The following AGMO variants were observed in gnomAD, a reference collection of about 807,000 sequenced individuals.
AGMO encodes alkylglycerol monooxygenase.
AGMO carries 75 observed loss-of-function variants against 60.2 expected under a neutral mutation model. That is an observed-to-expected ratio of 1.25 (90% CI 1.03 to 1.51). The LOEUF is 1.51. AGMO is among the 40% of genes most tolerant of loss of function. AGMO has a pLI of 0.00. For missense variants in AGMO, 763 were observed against 525.5 expected (o/e 1.45, Z -4.42); for synonymous variants, 261 against 177.1 (o/e 1.47, Z -3.76).
the AGMO span, among the ~76,000 whole-genome samples, chr7:15,188,059 C>A: frequency 1.1e-4 from 16 of 152,238 alleles, no homozygotes; most frequent in Middle Eastern, 3.4e-3. Context: ...AAATGAGACC[C>A]GCTGCCATGA....
intron 12 of AGMO, among the ~76,000 whole-genome samples, chr7:15,267,033 G>A (rs982424788): frequency 6.6e-6 from 1 of 151,874 alleles, no homozygotes; most frequent in African/African-American, 2.4e-5. Flanking sequence ...TAAAGAAAAT[G>A]AAAAACTACT....
chr7:15,427,187 G>A (rs1472708939), intron 4 of AGMO, among the ~76,000 whole-genome samples: 1 of 152,096 alleles, frequency 6.6e-6, no homozygotes, highest in African/African-American at 2.4e-5. Context: ...ACTGTTGATG[G>A]CTCATTCTAA....
At chr7:15,355,469 C>G (rs1408731585) in intron 12 of AGMO, among the ~76,000 whole-genome samples, 1 of 137,232 alleles carries the variant, frequency 7.3e-6, no homozygotes, top group Non-Finnish European at 1.5e-5. Flanking sequence ...TGCCACTGCA[C>G]ACTCCAGCCT....
the AGMO span, among the ~76,000 whole-genome samples, chr7:15,142,046 T>C: frequency 1.3e-5 from 2 of 152,202 alleles, no homozygotes; most frequent in Non-Finnish European, 2.9e-5. Context: ...CCATGAGGTA[T>C]TCATCGAGCT....
chr7:15,262,750 CA>C (rs1783311339), intron 12 of AGMO, among the ~76,000 whole-genome samples: 1 of 151,960 alleles, frequency 6.6e-6, no homozygotes, highest in Admixed American at 6.6e-5. Context: ...ATCAATGGAA[CA>C]AAACAGAGAA....
At chr7:15,432,026 C>T (rs1781256162) in intron 3 of AGMO, among the ~76,000 whole-genome samples, 1 of 151,628 alleles carries the variant, frequency 6.6e-6, no homozygotes, top group Non-Finnish European at 1.5e-5. Flanking sequence ...TCACATTATA[C>T]TCTATTCAGT....
At chr7:15,376,109 G>C (rs969727793) in intron 10 of AGMO, among the ~76,000 whole-genome samples, 1 of 151,978 alleles carries the variant, frequency 6.6e-6, no homozygotes, top group African/African-American at 2.4e-5. Context: ...TTTGTTAATA[G>C]TCTTCCGTTA....
At chr7:15,300,147 T>G (rs1314838095) in intron 12 of AGMO, among the ~76,000 whole-genome samples, 1 of 152,050 alleles carries the variant, frequency 6.6e-6, no homozygotes, top group Non-Finnish European at 1.5e-5. Context: ...AGTTGATACT[T>G]GGAAAGATAG....
At chr7:15,342,182 A>AAAAAAAAAAAAAAAG in intron 12 of AGMO, among the ~76,000 whole-genome samples, 1 of 148,516 alleles carries the variant, frequency 6.7e-6, no homozygotes, top group Non-Finnish European at 1.5e-5. Flanking sequence ...TAAAAAAAAA[A>AAAAAAAAAAAAAAAG]AAAAAAAAAA....
chr7:15,336,406 G>A (rs1781661538), intron 12 of AGMO, among the ~76,000 whole-genome samples: 1 of 149,754 alleles, frequency 6.7e-6, no homozygotes, highest in Non-Finnish European at 1.5e-5. Context: ...AAAATCGGTT[G>A]ACTCAATATG....
chr7:15,553,683 G>A (rs1251211667), intron 2 of AGMO, among the ~76,000 whole-genome samples: 2 of 151,816 alleles, frequency 1.3e-5, no homozygotes, highest in African/African-American at 4.8e-5. Flanking sequence ...CAGACTGAAG[G>A]TCCTAGAAAA....
chr7:15,466,623 T>C (rs923361417), intron 3 of AGMO, among the ~76,000 whole-genome samples: 1 of 152,196 alleles, frequency 6.6e-6, no homozygotes, highest in African/African-American at 2.4e-5. Flanking sequence ...TTTGAATATC[T>C]GCTCATCTGT....
At chr7:15,536,645 G>A (rs991434075) in intron 3 of AGMO, among the ~76,000 whole-genome samples, 4 of 151,648 alleles carry the variant, frequency 2.6e-5, no homozygotes, top group African/African-American at 9.7e-5. Context: ...TATAGGGTTG[G>A]TACAAGATAA....
rs928692643 is a variant in AGMO, at chr7:15,387,535, A to G, written c.828T>C (p.His276=). The G allele has an allele frequency of 1.4e-5, 22 of 1,605,298 alleles. No homozygotes were observed. Among genetic ancestry groups the G allele is most frequent in the Non-Finnish European group, 1.8e-5 (21 of 1,178,506 alleles). ...NTFEPIKVQF[H]HLFSIWTTFW... is the part of the protein sequence containing the mutation. The stretch of plus-strand genomic sequence containing the variant: ...ATGTAGTCCATATGGAAAATAAGTG[A>G]TGGAACTAGAAACAATAAAAAAAGA... Residue 276 remains histidine, a synonymous_variant, in exon 9 of 13, where the codon CAT becomes CAC. Coordinates refer to ENST00000342526, the MANE Select transcript of AGMO (RefSeq NM_001004320.2).
At chr7:15,154,701 G>A in the AGMO span, among the ~76,000 whole-genome samples, 2 of 152,154 alleles carry the variant, frequency 1.3e-5, no homozygotes, top group African/African-American at 2.4e-5. Flanking sequence ...TAGTGTCGGT[G>A]AGCTATGTAC....
At chr7:15,430,891 A>C (rs552458370) in intron 4 of AGMO, 114 bp downstream of exon 4, 2 of 591,768 alleles carry the variant, frequency 3.4e-6, no homozygotes, top group Non-Finnish European at 5.6e-6. Flanking sequence ...AGAAGAGAGA[A>C]GCATTTTAGT....
chr7:15,346,527 C>T lies in AGMO; in HGVS notation c.1263+18987G>A, dbSNP rs775037870. ...TTGATATTTATTTTCATTAATCCTT[C>T]TTAAATAATACGATATAAAAGCAAC... On this transcript the variant is annotated intron_variant, in intron 12 of 12. Transcript: ENST00000342526. Among the ~76,000 whole-genome samples, 231 of 151,428 alleles carry T rather than the reference C, an allele frequency of 1.5e-3. 1 individual carries two copies. Among genetic ancestry groups the T allele is most frequent in the Non-Finnish European group, 2.8e-3 (192 of 67,784 alleles).
chr7:15,475,057 G>T (rs1195971050), intron 3 of AGMO, among the ~76,000 whole-genome samples: 2 of 152,148 alleles, frequency 1.3e-5, no homozygotes, highest in Non-Finnish European at 2.9e-5. Context: ...TGCTGGAGAG[G>T]ATGTAGAGAA....
intron 10 of AGMO, among the ~76,000 whole-genome samples, chr7:15,375,916 T>C (rs1235386927): frequency 6.6e-6 from 1 of 152,122 alleles, no homozygotes; most frequent in African/African-American, 2.4e-5. Context: ...ACACTTATAG[T>C]GATATGAAGA....
Sources: gnomAD v4.1 joint callset for allele counts (sites outside exome capture counted in the v4.1 genomes callset) on GRCh38, gnomAD v4.1.1 for gene constraint, MANE v1.5 for transcripts, NCBI Gene and HGNC (gene_info 2026-07-23, HGNC 2026-07-21) for gene names.